Variants in SEMA3E observed in about 807,000 individuals in gnomAD.
SEMA3E encodes the protein semaphorin-3E.
SEMA3E carries 49 observed loss-of-function variants against 93.6 expected under a neutral mutation model. That is an observed-to-expected ratio of 0.52 (90% CI 0.42 to 0.66). The LOEUF (loss-of-function observed/expected upper bound fraction) is 0.66, where lower values mean the gene tolerates loss of function less well. Among genes scored for constraint, SEMA3E ranks in the 30% least tolerant of loss-of-function variants. The pLI is 0.00. For synonymous variants in SEMA3E, 363 were observed against 330.7 expected (o/e 1.10, Z -1.06); for missense variants, 906 against 964.8 (o/e 0.94, Z 0.81).
At chr7:83,472,735 C>A (rs117720314) in intron 2 of SEMA3E, among the ~76,000 whole-genome samples, 2,571 of 152,212 alleles carry the variant, frequency 0.017, 36 homozygotes, top group Middle Eastern at 0.037. Flanking sequence ...GCTATGTGTC[C>A]CCACTCAAAT....
At chr7:83,633,215 CTCT>C (rs961325540) in intron 1 of SEMA3E, among the ~76,000 whole-genome samples, 2 of 151,902 alleles carry the variant, frequency 1.3e-5, no homozygotes, top group African/African-American at 4.8e-5. Flanking sequence ...CCTTCTTTAC[CTCT>C]TCTTCTTCTC....
chr7:83,587,807 G>A (rs146407459), intron 1 of SEMA3E, among the ~76,000 whole-genome samples: 12 of 151,776 alleles, frequency 7.9e-5, no homozygotes, highest in Admixed American at 2.6e-4. Context: ...AATTTCAGTG[G>A]CAAGATATGC....
intron 16 of SEMA3E, among the ~76,000 whole-genome samples, chr7:83,378,092 A>G (rs1325638478): frequency 6.6e-6 from 1 of 151,906 alleles, no homozygotes; most frequent in East Asian, 1.9e-4. Flanking sequence ...AATGATTTAT[A>G]CACCCTTCAT....
At chr7:83,490,589 G>A (rs760874658) in intron 1 of SEMA3E, among the ~76,000 whole-genome samples, 1 of 151,926 alleles carries the variant, frequency 6.6e-6, no homozygotes, top group Non-Finnish European at 1.5e-5. Context: ...AATGTATAAT[G>A]GTTCCAAATC....
chr7:83,445,529 C>A (rs2115799901), intron 4 of SEMA3E, among the ~76,000 whole-genome samples: 1 of 152,084 alleles, frequency 6.6e-6, no homozygotes, highest in East Asian at 1.9e-4. Flanking sequence ...ACAGGCCTGG[C>A]CAACATGGTG....
chr7:83,628,013 T>C (rs1793706479), intron 1 of SEMA3E, among the ~76,000 whole-genome samples: 1 of 152,160 alleles, frequency 6.6e-6, no homozygotes, highest in South Asian at 2.1e-4. Flanking sequence ...GCAGGCCTGG[T>C]AGTGACAAAA....
chr7:83,566,671 A>AT (rs1792166422), intron 1 of SEMA3E, among the ~76,000 whole-genome samples: 1 of 152,160 alleles, frequency 6.6e-6, no homozygotes, highest in Admixed American at 6.5e-5. Context: ...AAATTTTAAC[A>AT]TGTTTTGAAA....
intron 4 of SEMA3E, among the ~76,000 whole-genome samples, chr7:83,445,890 T>TA (rs1481961658): frequency 6.6e-6 from 1 of 152,170 alleles, no homozygotes; most frequent in East Asian, 1.9e-4. Flanking sequence ...TTTGCCTTTT[T>TA]AAATAGGAGA....
chr7:83,515,747 G>C lies in SEMA3E; in HGVS notation c.116-25473C>G, dbSNP rs569515100. Reference sequence around the variant, plus strand: ...CTCTACACAAAACAGCTGGTTGTTCGAGGGGAGTGGTGGCTCATGCCTGTA... The same window carrying C: ...CTCTACACAAAACAGCTGGTTGTTCCAGGGGAGTGGTGGCTCATGCCTGTA... On this transcript the variant is annotated intron_variant, in intron 1 of 16. Transcript: ENST00000643230. Among the ~76,000 whole-genome samples, 7 of 152,278 alleles carry C rather than the reference G, an allele frequency of 4.6e-5. No individual in the cohort carries two copies. The South Asian group carries it at 1.2e-3, about 27-fold the overall frequency.
chr7:83,497,544 T>C (rs1460726703), intron 1 of SEMA3E, among the ~76,000 whole-genome samples: 2 of 152,226 alleles, frequency 1.3e-5, no homozygotes, highest in African/African-American at 4.8e-5. Context: ...GAAATTTTCT[T>C]TAACTTTGTA....
intron 1 of SEMA3E, among the ~76,000 whole-genome samples, chr7:83,532,033 T>C (rs2115729448): frequency 6.6e-6 from 1 of 152,288 alleles, no homozygotes; most frequent in African/African-American, 2.4e-5. Flanking sequence ...TTAGCATGCA[T>C]TGCTGACTGT....
chr7:83,364,415 C>T lies in SEMA3E; in HGVS notation c.*3171G>A, dbSNP rs1209694189. ...AAACTCTAAAATATGTATGGAATTG[C>T]CACTTACTAAACAGGCAGACTTTCT... On this transcript the variant is annotated 3_prime_UTR_variant, in exon 17 of 17. Coordinates refer to ENST00000643230, the MANE Select transcript of SEMA3E (RefSeq NM_012431.3). 6.6e-6 allele frequency: 1 copy of T among 152,136 alleles called. No homozygotes were observed. Among genetic ancestry groups the T allele is most frequent in the Non-Finnish European group, 1.5e-5 (1 of 68,036 alleles). 9.4% of individuals were successfully genotyped at this position (152,136 alleles called of 1,614,324 possible).
chr7:83,486,349 A>G (rs1790254783), intron 2 of SEMA3E, among the ~76,000 whole-genome samples: 1 of 152,126 alleles, frequency 6.6e-6, no homozygotes, highest in Non-Finnish European at 1.5e-5. Flanking sequence ...ATCCTTAACT[A>G]TGCATTATCC....
At chr7:83,498,796 T>C (rs1296605939) in intron 1 of SEMA3E, among the ~76,000 whole-genome samples, 1 of 152,104 alleles carries the variant, frequency 6.6e-6, no homozygotes, top group Admixed American at 6.5e-5. Flanking sequence ...AGAGAATAAA[T>C]TTTATGGTTC....
chr7:83,373,976 G>A (rs962394094), intron 16 of SEMA3E, among the ~76,000 whole-genome samples: 10 of 152,168 alleles, frequency 6.6e-5, no homozygotes, highest in African/African-American at 1.9e-4. Context: ...GGAGGCTGAG[G>A]CAGGCAGATC....
At chr7:83,579,062 A>C (rs1792467040) in intron 1 of SEMA3E, among the ~76,000 whole-genome samples, 1 of 152,150 alleles carries the variant, frequency 6.6e-6, no homozygotes, top group Non-Finnish European at 1.5e-5. Context: ...AGATGTATAG[A>C]TTTCAAAAGA....
At chr7:83,513,827 C>T (rs139845152) in intron 1 of SEMA3E, among the ~76,000 whole-genome samples, 238 of 152,206 alleles carry the variant, frequency 1.6e-3, no homozygotes, top group African/African-American at 5.4e-3. Flanking sequence ...GGTAAAATCT[C>T]TTCAAGGCTT....
At chr7:83,390,043 ATGCGCG>A (rs1459562823) in intron 14 of SEMA3E, among the ~76,000 whole-genome samples, 9 of 144,914 alleles carry the variant, frequency 6.2e-5, no homozygotes, top group East Asian at 2.2e-4. Flanking sequence ...ATACACATAT[ATGCGCG>A]TATACGTGTG....
intron 1 of SEMA3E, among the ~76,000 whole-genome samples, chr7:83,495,576 C>T (rs1790474717): frequency 6.6e-6 from 1 of 151,648 alleles, no homozygotes; most frequent in Non-Finnish European, 1.5e-5. Flanking sequence ...TGGGGAAAAA[C>T]ATACATATAG....
Sources: allele counts gnomAD v4.1 joint callset (sites outside exome capture counted in the v4.1 genomes callset), GRCh38; gene constraint gnomAD v4.1.1; transcripts MANE v1.5; gene names NCBI Gene and HGNC (gene_info 2026-07-23, HGNC 2026-07-21).